STARD9: variants seen among roughly 807,000 people sequenced by gnomAD.
The protein encoded by STARD9 is stAR-related lipid transfer protein 9.
STARD9 carries 346 observed loss-of-function variants against 399.8 expected under a neutral mutation model. That is an observed-to-expected ratio of 0.87 (90% confidence interval 0.79 to 0.95). The LOEUF (loss-of-function observed/expected upper bound fraction) is 0.95, where lower values mean the gene tolerates loss of function less well. Among genes scored for constraint, STARD9 ranks in the 40% least tolerant of loss-of-function variants. STARD9 has a pLI of 0.00. For missense variants in STARD9, 5,832 were observed against 5,667.5 expected (o/e 1.03, Z -0.93); for synonymous variants, 2,203 against 2,143.5 (o/e 1.03, Z -0.77).
Position 42,665,805 on chromosome 15 carries a change from G to A in STARD9, c.1274G>A (p.Ser425Asn). 2 of 1,537,190 alleles carry A rather than the reference G, an allele frequency of 1.3e-6. No individual in the cohort carries two copies. Among genetic ancestry groups the A allele is most frequent in the Admixed American group, 2.0e-5 (1 of 50,996 alleles). ...GTGCAGAGAAACTTCAGTTCATTGA[G>A]TGATGAAAACCTGAAGGAGCTGGTT... Reference protein sequence around the residue: ...SFELRNFSSLSDENLKELVLQ... With the variant: ...SFELRNFSSLNDENLKELVLQ... The change falls in exon 15 of 33, where the codon AGT becomes AAT. Residue 425 changes from serine (S) to asparagine (N), a missense_variant. Physicochemically the swap from Ser to Asn is conservative, Grantham distance 46. This residue lies in a region of STARD9 where 5,828 missense variants were observed against 5,651.1 expected (regional missense o/e 1.03). Transcript: ENST00000290607.
rs1444271913 is a variant in STARD9 at position 42,691,744 on chromosome 15, G to A, written c.10166G>A (p.Arg3389His). ...AEDSNQKASS[R>H]LDDGTTDHRH... ...GACAGCAATCAGAAAGCCTCATCTCGCTTGGATGATGGGACTACCGATCAC... is the reference window on the plus strand; with the variant it reads ...GACAGCAATCAGAAAGCCTCATCTCACTTGGATGATGGGACTACCGATCAC... The change falls in exon 23 of 33, where the codon CGC becomes CAC. Residue 3389 changes from arginine (R) to histidine (H), a missense_variant. Coordinates refer to ENST00000290607, the MANE Select transcript of STARD9 (RefSeq NM_020759.3). The A allele has an allele frequency of 1.6e-5, 25 of 1,537,124 alleles. 1 individual carries two copies. The Middle Eastern group carries it at 5.0e-4, about 31-fold the overall frequency.
chr15:42,606,510 C>CA (rs1449907020), intron 3 of STARD9, among the ~76,000 whole-genome samples: 1 of 152,080 alleles, frequency 6.6e-6, no homozygotes, highest in Non-Finnish European at 1.5e-5. Flanking sequence ...GGCTGGAGTG[C>CA]AGTGGTGTGA....
chr15:42,687,008 C>G lies in STARD9; in HGVS notation c.5430C>G (p.Ala1810=). ...TACAAAACCAGAATTCTAAGATTGCCTCATCTCAGCAGGTCACAGCTGAGA... is the reference window on the plus strand; with the variant it reads ...TACAAAACCAGAATTCTAAGATTGCGTCATCTCAGCAGGTCACAGCTGAGA... The part of the protein sequence containing the change: ...VLLQNQNSKI[A]SSQQVTAEIP... The change falls in exon 23 of 33, where the codon GCC becomes GCG. Residue 1810 remains alanine, a synonymous_variant. Transcript: ENST00000290607. 6.5e-7 allele frequency: 1 copy of G among 1,536,954 alleles called. No homozygotes were observed. Among genetic ancestry groups the G allele is most frequent in the South Asian group, 1.2e-5 (1 of 84,020 alleles).
At chr15:42,621,230 TAATA>T (rs2059086586) in intron 3 of STARD9, among the ~76,000 whole-genome samples, 2 of 152,206 alleles carry the variant, frequency 1.3e-5, no homozygotes. Context: ...ATTTTGTATT[TAATA>T]AATATTTTGT....
intron 3 of STARD9, among the ~76,000 whole-genome samples, chr15:42,593,834 T>C (rs1241897538): frequency 1.3e-5 from 2 of 151,594 alleles, no homozygotes; most frequent in Admixed American, 6.6e-5. Context: ...CGGCTAACTT[T>C]TTTTTTTGTA....
At position 42,687,322 on chromosome 15, in the gene STARD9, C is replaced by T. The variant is rs1349215294; in HGVS notation, c.5744C>T (p.Ala1915Val). Residue 1915 changes from alanine to valine, a missense_variant, in exon 23 of 33, where the codon GCA (alanine) becomes GTA (valine). This residue lies in a region of STARD9 where 5,828 missense variants were observed against 5,651.1 expected (regional missense o/e 1.03). Coordinates refer to ENST00000290607, the MANE Select transcript of STARD9 (RefSeq NM_020759.3). ...GKSLLFRESE[A>V]REEEELDQNT... Reference sequence around the variant, plus strand: ...TCTCTCCTCTTTCGTGAATCTGAGGCACGAGAGGAAGAAGAGCTGGATCAG... The same window carrying T: ...TCTCTCCTCTTTCGTGAATCTGAGGTACGAGAGGAAGAAGAGCTGGATCAG... 1.3e-6 allele frequency: 2 copies of T among 1,536,650 alleles called. No individual in the cohort carries two copies. The highest frequency in any genetic ancestry group is 1.4e-5 in the African/African-American group (1 of 73,036).
chr15:42,622,494 AT>A (rs2059112980), intron 3 of STARD9, among the ~76,000 whole-genome samples: 1 of 152,010 alleles, frequency 6.6e-6, no homozygotes, highest in African/African-American at 2.4e-5. Context: ...CCGACTCTTG[AT>A]TAGCTGGGAC....
Position 42,700,030 on chromosome 15 carries a change from C to T in STARD9, c.13284+4150C>T, listed in dbSNP as rs551993514. The stretch of plus-strand genomic sequence containing the variant: ...TAGATTCCGCATATGAGTAAGATCA[C>T]GTGGTGGTTGGCTGTCTATGCCTGG... On this transcript the variant is annotated intron_variant, in intron 26 of 32. Transcript: ENST00000290607. Among the ~76,000 whole-genome samples, 72 of 152,276 alleles carry T rather than the reference C, an allele frequency of 4.7e-4. 1 individual carries two copies. The highest frequency in any genetic ancestry group is 3.4e-4 in the Non-Finnish European group (23 of 68,032).
At chr15:42,641,187 G>A (rs2059529349) in intron 7 of STARD9, among the ~76,000 whole-genome samples, 1 of 152,126 alleles carries the variant, frequency 6.6e-6, no homozygotes, top group African/African-American at 2.4e-5. Context: ...CAGGGTTCAT[G>A]GTGCAAAGTT....
chr15:42,635,095 CCTT>C (rs2059394726), intron 4 of STARD9, 123 bp downstream of exon 4: 2 of 524,720 alleles, frequency 3.8e-6, no homozygotes, highest in East Asian at 3.3e-5. Flanking sequence ...ATTGAATGAG[CCTT>C]CTTCTGTTTT....
chr15:42,676,045 C>T, intron 20 of STARD9, 70 bp downstream of exon 20: 4 of 180,546 alleles, frequency 2.2e-5, no homozygotes, highest in African/African-American at 5.8e-5. Context: ...CAGCATGGAT[C>T]AGGGTGGGGG....
At chr15:42,633,924 C>G (rs747888395) in intron 3 of STARD9, among the ~76,000 whole-genome samples, 4 of 151,974 alleles carry the variant, frequency 2.6e-5, no homozygotes, top group Non-Finnish European at 4.4e-5. Flanking sequence ...AATTACAGGC[C>G]TGAGCCACCG....
In STARD9 at chr15:42,686,004, G is replaced by A; in HGVS notation, c.4426G>A (p.Val1476Ile). Residue 1476 changes from valine to isoleucine, a missense_variant, in exon 23 of 33, where the codon GTA (valine) becomes ATA (isoleucine). By Grantham distance (29) the Val-to-Ile change is conservative. Coordinates refer to ENST00000290607, the MANE Select transcript of STARD9 (RefSeq NM_020759.3). ...LAASATTLTH[V>I]GSTHERDWSA... ...TGCCTCTGCCACCACCTTGACTCAT[G>A]TAGGCAGCACCCATGAAAGGGATTG... 2.6e-6 allele frequency: 4 copies of A among 1,537,318 alleles called. No homozygotes were observed. Among genetic ancestry groups the A allele is most frequent in the Non-Finnish European group, 3.5e-6 (4 of 1,146,926 alleles).
At position 42,718,162 on chromosome 15, in the gene STARD9, C is replaced by CCAACA. The variant is rs1273208861; in HGVS notation, c.13746_13750dup (p.Ser4584ThrfsTer18). ...ACAGCAAGGCTGCATCAGCGAGTGA[C>CCAACA]CAACAGCATCAGCCTGGGTGAGCCC... On this transcript the variant is annotated frameshift_variant, in exon 30 of 33. Coordinates refer to ENST00000290607, the MANE Select transcript of STARD9 (RefSeq NM_020759.3). LOFTEE classifies it high-confidence loss of function. 1 of 1,536,826 alleles carries CCAACA rather than the reference C, an allele frequency of 6.5e-7. No individual in the cohort carries two copies. Among genetic ancestry groups the CCAACA allele is most frequent in the African/African-American group, 1.4e-5 (1 of 73,016 alleles).
At chr15:42,667,770 C>T (rs1227499956) in intron 15 of STARD9, among the ~76,000 whole-genome samples, 1 of 152,234 alleles carries the variant, frequency 6.6e-6, no homozygotes, top group Non-Finnish European at 1.5e-5. Context: ...TGAGCCACCA[C>T]ACCCGGCAGA....
chr15:42,689,345 G>C lies in STARD9; in HGVS notation c.7767G>C (p.Arg2589Ser), dbSNP rs760380102. The change falls in exon 23 of 33, where the codon AGG becomes AGC. Residue 2589 changes from arginine (R) to serine (S), a missense_variant. By Grantham distance (110) the Arg-to-Ser change is moderately radical. Coordinates refer to ENST00000290607, the MANE Select transcript of STARD9 (RefSeq NM_020759.3). ...TACTAGAACCCGAATGTTCTTCAAGGGTTGCTGGCAGGCCTCAGTGTAAAC... is the reference window on the plus strand; with the variant it reads ...TACTAGAACCCGAATGTTCTTCAAGCGTTGCTGGCAGGCCTCAGTGTAAAC... ...ETLLEPECSS[R>S]VAGRPQCKQI... is the part of the protein sequence containing the mutation. 3.9e-6 allele frequency: 6 copies of C among 1,537,268 alleles called. No individual in the cohort carries two copies. The highest frequency in any genetic ancestry group is 2.0e-5 in the Admixed American group (1 of 50,994).
chr15:42,701,720 C>G lies in STARD9; in HGVS notation c.13284+5840C>G, dbSNP rs191110049. Among the ~76,000 whole-genome samples, 31 of 152,220 alleles carry G rather than the reference C, an allele frequency of 2.0e-4. 1 individual carries two copies. In the East Asian group the frequency reaches 5.8e-3, roughly 28 times the overall value. On this transcript the variant is annotated intron_variant, in intron 26 of 32. Coordinates refer to ENST00000290607, the MANE Select transcript of STARD9 (RefSeq NM_020759.3). ...TGTTGAAATAAATGCCCTGGCCAGG[C>G]ACGGTGGCTCACGCCTGTAATCCCA... is the stretch of plus-strand genomic sequence containing the variant.
At chr15:42,701,098 G>T (rs1415791636) in intron 26 of STARD9, among the ~76,000 whole-genome samples, 1 of 152,050 alleles carries the variant, frequency 6.6e-6, no homozygotes, top group East Asian at 1.9e-4. Flanking sequence ...TCTTTGTTCT[G>T]TTCCTTTAGT....
chr15:42,600,790 G>A (rs1452343380), intron 3 of STARD9, among the ~76,000 whole-genome samples: 1 of 151,176 alleles, frequency 6.6e-6, no homozygotes, highest in Non-Finnish European at 1.5e-5. Context: ...CTCCCAAAGT[G>A]TTGGGATTAC....
Sources: allele counts gnomAD v4.1 joint callset (sites outside exome capture counted in the v4.1 genomes callset), GRCh38; gene constraint gnomAD v4.1.1; regional missense constraint gnomAD v4.1.1; transcripts MANE v1.5; gene names NCBI Gene and HGNC (gene_info 2026-07-23, HGNC 2026-07-21).